The following OR10A2 variants were observed in gnomAD, a reference collection of about 807,000 sequenced individuals.
The protein encoded by OR10A2 is olfactory receptor family 10 subfamily A member 2.
A neutral mutation model predicts 13.7 loss-of-function variants in OR10A2; 15 were observed. That is an observed-to-expected ratio of 1.10 (90% confidence interval 0.73 to 1.69). OR10A2 has a LOEUF of 1.69. Among genes scored for constraint, OR10A2 ranks in the 40% most tolerant of loss-of-function variants. The pLI is 0.00. For synonymous variants in OR10A2, 145 were observed against 144.7 expected, an observed-to-expected ratio of 1.00 and a Z score of -0.02; for missense variants, 343 against 361.1, an observed-to-expected ratio of 0.95 and a Z score of 0.41.
intron 1 of OR10A2, among the ~76,000 whole-genome samples, chr11:6,864,472 G>A (rs1400296291): frequency 1.3e-5 from 2 of 152,124 alleles, no homozygotes; most frequent in African/African-American, 2.4e-5. Flanking sequence ...TTATAAAGAT[G>A]ACTAAGACAG....
Position 6,870,955 on chromosome 11 carries a change from T to TTTTTTTC in OR10A2, c.*295_*296insCTTTTTT, listed in dbSNP as rs1848428580. 5.0e-6 allele frequency: 1 copy of TTTTTTTC among 199,668 alleles called. No homozygotes were observed. The highest frequency in any genetic ancestry group is 2.4e-5 in the African/African-American group (1 of 42,300). The allele number at this position is 199,668 out of a possible 1,614,324, so 12.4% of individuals were successfully genotyped here. Reference sequence around the variant, plus strand: ...TTCCAGGTGTTATATTTCTTTTTTTTTTTTTTTTTGAGACGGAGTCTCGCT... The same window carrying TTTTTTTC: ...TTCCAGGTGTTATATTTCTTTTTTTTTTTTTTCTTTTTTTTTGAGACGGAGTCTCGCT... On this transcript the variant is annotated 3_prime_UTR_variant, in exon 2 of 2. Transcript: ENST00000641461.
rs60582338 is a variant in OR10A2, at chr11:6,863,358, CTTTTTTTTTTTTTTTTT to C, written c.-133+17_-133+33del. ...ATGTTCCTGTTGGACACAGGTAAGC[CTTTTTTTTTTTTTTTTT>C]TTTTTTTTTCCACCAAGGACTGAAT... On this transcript the variant is annotated splice_region_variant and intron_variant, in intron 1 of 1. Coordinates refer to ENST00000641461, the MANE Select transcript of OR10A2 (RefSeq NM_001004460.2). 127 of 89,290 alleles carry C rather than the reference CTTTTTTTTTTTTTTTTT, an allele frequency of 1.4e-3. 1 individual carries two copies. The highest frequency in any genetic ancestry group is 7.6e-3 in the Middle Eastern group (1 of 132). The allele number at this position is 89,290 out of a possible 1,614,324, so 5.5% of individuals were successfully genotyped here.
At chr11:6,866,294 T>C (rs957987847) in intron 1 of OR10A2, among the ~76,000 whole-genome samples, 6 of 152,254 alleles carry the variant, frequency 3.9e-5, no homozygotes, top group Non-Finnish European at 5.9e-5. Flanking sequence ...TTTAAAGAAC[T>C]GTCAAACTGT....
At position 6,870,717 on chromosome 11, in the gene OR10A2, G is replaced by T. The variant is rs763579533; in HGVS notation, c.*51G>T. ...ACTGGATGAGAAACAATCAGTCCCA[G>T]ATTTGAGATTCCTCTCTGCATCTTT... On this transcript the variant is annotated 3_prime_UTR_variant, in exon 2 of 2. Transcript: ENST00000641461. 7.4e-7 allele frequency: 1 copy of T among 1,353,972 alleles called. No individual in the cohort carries two copies. The allele number at this position is 1,353,972 out of a possible 1,614,324, so 83.9% of individuals were successfully genotyped here. A position where few individuals can be genotyped will look rare whatever the true frequency, so the allele number is the denominator to read the frequency against.
rs1233077781 is a variant in OR10A2 at position 6,871,877 on chromosome 11, T to G, written c.*1211T>G. 1 of 152,168 alleles carries G rather than the reference T, an allele frequency of 6.6e-6. No individual in the cohort carries two copies. Among genetic ancestry groups the G allele is most frequent in the Non-Finnish European group, 1.5e-5 (1 of 68,018 alleles). The allele number at this position is 152,168 out of a possible 1,614,324, so 9.4% of individuals were successfully genotyped here. ...TATTTTTGCTAGTGTACCTGACAAA[T>G]AGAAATCTAGAAATTGAGTTTCTTG... On this transcript the variant is annotated 3_prime_UTR_variant, in exon 2 of 2. Coordinates refer to ENST00000641461, the MANE Select transcript of OR10A2 (RefSeq NM_001004460.2).
rs1848427270 is a variant in OR10A2, at chr11:6,870,878, AC to A, written c.*213del. 4.5e-6 allele frequency: 2 copies of A among 448,166 alleles called. No individual in the cohort carries two copies. Among genetic ancestry groups the A allele is most frequent in the African/African-American group, 2.0e-5 (1 of 51,090 alleles). The allele number at this position is 448,166 out of a possible 1,614,324, so 27.8% of individuals were successfully genotyped here. A position where few individuals can be genotyped will look rare whatever the true frequency, so the allele number is the denominator to read the frequency against. Reference sequence around the variant, plus strand: ...TCCTCTGCCTGCCCATTGTAGACTTACATTGTTTTCCTTGTTTCAACTGGTA... The same window carrying A: ...TCCTCTGCCTGCCCATTGTAGACTTAATTGTTTTCCTTGTTTCAACTGGTA... On this transcript the variant is annotated 3_prime_UTR_variant, in exon 2 of 2. Transcript: ENST00000641461.
At chr11:6,867,746 TA>T (rs1848390490) in intron 1 of OR10A2, among the ~76,000 whole-genome samples, 1 of 152,058 alleles carries the variant, frequency 6.6e-6, no homozygotes, top group Non-Finnish European at 1.5e-5. Flanking sequence ...TTTTTTACTT[TA>T]CTTTTTTTTT....
At position 6,870,941 on chromosome 11, in the gene OR10A2, A is replaced by ATATT; in HGVS notation, c.*277_*280dup. On this transcript the variant is annotated 3_prime_UTR_variant, in exon 2 of 2. Transcript: ENST00000641461. ...CTGTGGCCAACTATTTCCAGGTGTTATATTTCTTTTTTTTTTTTTTTTTGA... is the reference window on the plus strand; with the variant it reads ...CTGTGGCCAACTATTTCCAGGTGTTATATTTATTTCTTTTTTTTTTTTTTTTTGA... 1 of 184,686 alleles carries ATATT rather than the reference A, an allele frequency of 5.4e-6. No individual in the cohort carries two copies. The allele number at this position is 184,686 out of a possible 1,614,324, so 11.4% of individuals were successfully genotyped here. A position where few individuals can be genotyped will look rare whatever the true frequency, so the allele number is the denominator to read the frequency against.
At position 6,870,896 on chromosome 11, in the gene OR10A2, C is replaced by A; in HGVS notation, c.*230C>A. 1.9e-5 allele frequency: 7 copies of A among 374,808 alleles called. No homozygotes were observed. Among genetic ancestry groups the A allele is most frequent in the South Asian group, 6.9e-5 (1 of 14,398 alleles). The allele number at this position is 374,808 out of a possible 1,614,324, so 23.2% of individuals were successfully genotyped here. Reference sequence around the variant, plus strand: ...TAGACTTACATTGTTTTCCTTGTTTCAACTGGTATGACAGCACTTCTGTGG... The same window carrying A: ...TAGACTTACATTGTTTTCCTTGTTTAAACTGGTATGACAGCACTTCTGTGG... On this transcript the variant is annotated 3_prime_UTR_variant, in exon 2 of 2. Transcript: ENST00000641461.
chr11:6,868,691 G>T (rs2595454), intron 1 of OR10A2, among the ~76,000 whole-genome samples: 99,986 of 152,034 alleles, frequency 0.66, 33,166 homozygotes, highest in African/African-American at 0.74. Flanking sequence ...TTTTTAACCA[G>T]AGTTTGCTAA....
rs1848415269 is a variant in OR10A2 at position 6,870,189 on chromosome 11, G to A, written c.435G>A (p.Val145=). ...SWFPGFPVAT[V]QTTWLFSFPF... ...TCCCAGGCTTTCCTGTAGCTACTGT[G>A]CAGACCACATGGCTCTTCAGTTTTC... is the stretch of plus-strand genomic sequence containing the variant. Residue 145 remains valine (V), a synonymous_variant, in exon 2 of 2, where the codon GTG becomes GTA. Coordinates refer to ENST00000641461, the MANE Select transcript of OR10A2 (RefSeq NM_001004460.2). The A allele has an allele frequency of 6.2e-7, 1 of 1,614,220 alleles. No homozygotes were observed. Among genetic ancestry groups the A allele is most frequent in the Non-Finnish European group, 8.5e-7 (1 of 1,180,046 alleles).
At chr11:6,864,319 C>A (rs576543567) in intron 1 of OR10A2, among the ~76,000 whole-genome samples, 1 of 124,766 alleles carries the variant, frequency 8.0e-6, no homozygotes, top group East Asian at 2.3e-4. Flanking sequence ...AAAAAAAGAA[C>A]AGTCATTGAG....
In OR10A2 at chr11:6,873,901, T is replaced by C. The variant is rs1564921907; in HGVS notation, c.*3235T>C. The C allele has an allele frequency of 6.6e-6, 1 of 152,106 alleles. No individual in the cohort carries two copies. The highest frequency in any genetic ancestry group is 2.4e-5 in the African/African-American group (1 of 41,400). 9.4% of individuals were successfully genotyped at this position (152,106 alleles called of 1,614,324 possible). On this transcript the variant is annotated 3_prime_UTR_variant, in exon 2 of 2. Coordinates refer to ENST00000641461, the MANE Select transcript of OR10A2 (RefSeq NM_001004460.2). ...AAATAAATCCAGAACCTAAAGGCAG[T>C]GGTGGTAGAGCTGGAGAAGGTGACA...
intron 1 of OR10A2, among the ~76,000 whole-genome samples, chr11:6,868,837 A>T (rs1302184198): frequency 6.6e-6 from 1 of 152,170 alleles, no homozygotes; most frequent in Non-Finnish European, 1.5e-5. Flanking sequence ...CCAACTGCAA[A>T]TTAGAAACCA....
At position 6,870,668 on chromosome 11, in the gene OR10A2, C is replaced by T. The variant is rs1848424561; in HGVS notation, c.*2C>T. The T allele has an allele frequency of 6.5e-7, 1 of 1,540,850 alleles. No homozygotes were observed. Among genetic ancestry groups the T allele is most frequent in the Admixed American group, 2.1e-5 (1 of 46,922 alleles). ...GCCCTCAGAAACTGTATCCCATAGA[C>T]CTTAGGAAGTAAGGCTACATTTTAC... On this transcript the variant is annotated 3_prime_UTR_variant, in exon 2 of 2. Transcript: ENST00000641461.
At position 6,870,000 on chromosome 11, in the gene OR10A2, T is replaced by C; in HGVS notation, c.246T>C (p.Leu82=). Residue 82 remains leucine (L), a synonymous_variant, in exon 2 of 2, where the codon CTT becomes CTC. Transcript: ENST00000641461. ...CCCAGGACACAACCATCTCCTTCCT[T>C]GGCTGTGCCACTCAGATGTATTTCT... ...LLAQDTTISF[L]GCATQMYFFF... 1.2e-6 allele frequency: 2 copies of C among 1,614,228 alleles called. No individual in the cohort carries two copies. The highest frequency in any genetic ancestry group is 1.7e-6 in the Non-Finnish European group (2 of 1,180,032).
At chr11:6,869,525 G>A (rs1426746908) in intron 1 of OR10A2, 98 bp from the exon 2 acceptor site, 3 of 554,106 alleles carry the variant, frequency 5.4e-6, no homozygotes, top group Non-Finnish European at 9.7e-6. Context: ...GCCCATCTCA[G>A]AGATTAGGCT....
chr11:6,865,106 T>C (rs1050906992), intron 1 of OR10A2, among the ~76,000 whole-genome samples: 40 of 145,680 alleles, frequency 2.7e-4, no homozygotes, highest in Admixed American at 2.3e-3. Context: ...TAAAAATATA[T>C]ATTTATATAT....
At chr11:6,865,104 T>TATATTTAC (rs1422233396) in intron 1 of OR10A2, among the ~76,000 whole-genome samples, 5 of 145,572 alleles carry the variant, frequency 3.4e-5, no homozygotes, top group African/African-American at 1.2e-4. Flanking sequence ...AATAAAAATA[T>TATATTTAC]ATATTTATAT....
Sources: allele counts gnomAD v4.1 joint callset (sites outside exome capture counted in the v4.1 genomes callset), GRCh38; gene constraint gnomAD v4.1.1; transcripts MANE v1.5; gene names NCBI Gene and HGNC (gene_info 2026-07-23, HGNC 2026-07-21).